The following PNPLA7 variants were observed in gnomAD, a reference collection of about 807,000 sequenced individuals.
PNPLA7 encodes patatin like domain 7, lysophospholipase.
Under a neutral mutation model 161.7 loss-of-function variants are expected in PNPLA7, and 153 were observed. The observed-to-expected ratio is 0.95, with a 90% CI of 0.83 to 1.08. The LOEUF (loss-of-function observed/expected upper bound fraction) is 1.08. Ranked by LOEUF, PNPLA7 falls within the 50% of genes least tolerant of loss-of-function variation. The probability of loss-of-function intolerance (pLI) is 0.00; values close to 1 mark genes in which losing one functional copy is unlikely to be tolerated. For missense variants in PNPLA7, 1,739 were observed against 1,856.6 expected (o/e 0.94, Z 1.16); for synonymous variants, 809 against 782.1 (o/e 1.03, Z -0.57).
chr9:137,516,336 G>A (rs550471924), intron 11 of PNPLA7: 148 of 984,388 alleles, frequency 1.5e-4, no homozygotes, highest in Non-Finnish European at 1.7e-4. Flanking sequence ...TGGCCTTGCC[G>A]ACCACACAGG....
chr9:137,498,075 G>A (rs1833161655), intron 17 of PNPLA7, 39 bp downstream of exon 17: 1 of 1,596,650 alleles, frequency 6.3e-7, no homozygotes, highest in Non-Finnish European at 8.6e-7. Flanking sequence ...GCATGCCAGG[G>A]CAGCATGGAT....
chr9:137,480,934 A>T (rs1049173850), intron 22 of PNPLA7, 26 bp downstream of exon 22: 2 of 1,550,454 alleles, frequency 1.3e-6, no homozygotes, highest in Non-Finnish European at 1.7e-6. Flanking sequence ...GGCTGGGAGG[A>T]AGGAGTCGGG....
At chr9:137,475,727 A>C (rs1831921096) in intron 25 of PNPLA7, among the ~76,000 whole-genome samples, 1 of 152,120 alleles carries the variant, frequency 6.6e-6, no homozygotes. Context: ...TTCCAGAAGA[A>C]AAAACGGCCC....
chr9:137,522,680 C>G, intron 9 of PNPLA7, 49 bp downstream of exon 9: 2 of 1,606,806 alleles, frequency 1.2e-6, no homozygotes, highest in Non-Finnish European at 1.7e-6. Flanking sequence ...CCAGGCCCCC[C>G]CAGGGTGACC....
intron 19 of PNPLA7, among the ~76,000 whole-genome samples, chr9:137,493,741 C>T (rs933435728): frequency 2.0e-5 from 3 of 152,230 alleles, no homozygotes; most frequent in Admixed American, 6.5e-5. Flanking sequence ...CTCATGAGAA[C>T]GAGGCCCACC....
chr9:137,505,187 CAAAAAAA>C (rs1030910942), intron 14 of PNPLA7, among the ~76,000 whole-genome samples: 4 of 57,042 alleles, frequency 7.0e-5, no homozygotes, highest in Non-Finnish European at 1.2e-4. Context: ...GACTCTGTCT[CAAAAAAA>C]AAAAAAAAAA....
chr9:137,544,220 T>A (rs1243837021), intron 4 of PNPLA7, among the ~76,000 whole-genome samples: 1 of 152,212 alleles, frequency 6.6e-6, no homozygotes, highest in African/African-American at 2.4e-5. Context: ...CTGGGGCCAC[T>A]GCCCACTCTG....
chr9:137,495,739 G>A (rs999376451), intron 18 of PNPLA7, among the ~76,000 whole-genome samples: 3 of 152,154 alleles, frequency 2.0e-5, no homozygotes, highest in Admixed American at 6.5e-5. Context: ...CGCCGCGCCC[G>A]GCCTGGAGAA....
At chr9:137,498,901 A>G (rs1042985545) in intron 16 of PNPLA7, among the ~76,000 whole-genome samples, 4 of 152,174 alleles carry the variant, frequency 2.6e-5, no homozygotes, top group Non-Finnish European at 5.9e-5. Flanking sequence ...TGGAGCTGCC[A>G]TTTCCTCAGA....
At chr9:137,482,680 A>G (rs1832278958) in intron 21 of PNPLA7, among the ~76,000 whole-genome samples, 1 of 152,244 alleles carries the variant, frequency 6.6e-6, no homozygotes. Flanking sequence ...TGCACCACAC[A>G]CACCCAGGAG....
At chr9:137,478,870 C>T in intron 24 of PNPLA7, 186 bp downstream of exon 24, 1 of 843,962 alleles carries the variant, frequency 1.2e-6, no homozygotes, top group Non-Finnish European at 1.7e-6. Context: ...TGCTTCCTAG[C>T]CGTGGCCACC....
At chr9:137,463,276 C>G (rs937558864) in intron 29 of PNPLA7, 139 bp downstream of exon 29, 2 of 762,998 alleles carry the variant, frequency 2.6e-6, no homozygotes, top group Non-Finnish European at 4.2e-6. Flanking sequence ...GCCAGCCTGA[C>G]ATTTTCCCTT....
chr9:137,470,782 C>T (rs1414996924), intron 25 of PNPLA7, among the ~76,000 whole-genome samples: 1 of 152,164 alleles, frequency 6.6e-6, no homozygotes, highest in Non-Finnish European at 1.5e-5. Context: ...GTCCCAGGAG[C>T]ACAATGTTCA....
intron 8 of PNPLA7, among the ~76,000 whole-genome samples, chr9:137,530,993 A>T (rs1039036298): frequency 6.6e-6 from 1 of 152,198 alleles, no homozygotes; most frequent in Non-Finnish European, 1.5e-5. Flanking sequence ...CCAGATACTC[A>T]GCTCTTGGCA....
Position 137,467,323 on chromosome 9 carries a change from C to T in PNPLA7, c.3033G>A (p.Trp1011Ter). 1.2e-6 allele frequency: 2 copies of T among 1,612,978 alleles called. No homozygotes were observed. The highest frequency in any genetic ancestry group is 1.7e-6 in the Non-Finnish European group (2 of 1,179,632). ...GTGATGGGTGCCTGCTTACCTCGGC[C>T]CACTGCTTGGCCCGGATCCGCATCT... ...YSQMRIRAKQ[W>*]AEGMTSLMKA... is the part of the protein sequence containing the mutation. The change falls in exon 26 of 35, where the codon TGG becomes TGA. Residue 1011 changes from tryptophan to a stop codon, truncating the protein, a stop_gained. Coordinates refer to ENST00000406427, the MANE Select transcript of PNPLA7 (RefSeq NM_001098537.3). LOFTEE classifies it high-confidence loss of function. The surrounding 1 kb of genome is among the most constrained non-coding windows in gnomAD (Gnocchi z 5.1).
At chr9:137,497,423 A>C (rs975236429) in intron 17 of PNPLA7, 113 bp from the exon 18 acceptor site, 1 of 1,044,102 alleles carries the variant, frequency 9.6e-7, no homozygotes, top group Non-Finnish European at 1.2e-6. Context: ...CAGGCTTCTC[A>C]CTATCTTATT....
At chr9:137,464,798 G>A (rs1831388176) in intron 26 of PNPLA7, 4 of 308,102 alleles carry the variant, frequency 1.3e-5, no homozygotes, top group African/African-American at 4.3e-5. Context: ...GCCCATGCCC[G>A]TGGCTGGAGG....
rs1360084102 is a variant in PNPLA7, at chr9:137,460,027, G to C, written c.*366C>G. The C allele has an allele frequency of 4.2e-6, 1 of 238,682 alleles. No homozygotes were observed. The highest frequency in any genetic ancestry group is 4.8e-5 in the South Asian group (1 of 20,888). 14.8% of individuals were successfully genotyped at this position (238,682 alleles called of 1,614,324 possible). Reference sequence around the variant, plus strand: ...CCCACACCTCACAGGGCAGCAGGCAGTTCACAGGACAGCAGGCAGTTCACA... The same window carrying C: ...CCCACACCTCACAGGGCAGCAGGCACTTCACAGGACAGCAGGCAGTTCACA... On this transcript the variant is annotated 3_prime_UTR_variant, in exon 35 of 35. Coordinates refer to ENST00000406427, the MANE Select transcript of PNPLA7 (RefSeq NM_001098537.3).
rs753216464 is a variant in PNPLA7, at chr9:137,486,284, G to A, written c.2198-1548C>T. ...CCACTCCCTGCAGACGGCGGCCAGC[G>A]GACACCTGCAAGATCCTGGGATGCA... On this transcript the variant is annotated intron_variant, in intron 20 of 34. Transcript: ENST00000406427. The surrounding 1 kb of genome is among the most constrained non-coding windows in gnomAD (Gnocchi z 6.0). Among the ~76,000 whole-genome samples, 3 of 152,112 alleles carry A rather than the reference G, an allele frequency of 2.0e-5. No individual in the cohort carries two copies. The highest frequency in any genetic ancestry group is 6.5e-5 in the Admixed American group (1 of 15,280).
Sources: gnomAD v4.1 joint callset for allele counts (sites outside exome capture counted in the v4.1 genomes callset) on GRCh38, gnomAD v4.1.1 for gene constraint, Gnocchi (gnomAD v3.1) non-coding constraint, MANE v1.5 for transcripts, NCBI Gene and HGNC (gene_info 2026-07-23, HGNC 2026-07-21) for gene names.